The following ABCB5 variants were observed in gnomAD, a reference collection of about 807,000 sequenced individuals.
ABCB5 encodes ATP-binding cassette sub-family B member 5.
In ABCB5, 155 loss-of-function variants were observed where a neutral mutation model predicts 144.2. The ratio of observed to expected loss-of-function variants is 1.08; its 90% confidence interval spans 0.94 to 1.23. The LOEUF (loss-of-function observed/expected upper bound fraction) is 1.23. Among genes scored for constraint, ABCB5 ranks in the 50% most tolerant of loss-of-function variants. The pLI is 0.00. For synonymous variants in ABCB5, 610 were observed against 528.6 expected, an observed-to-expected ratio of 1.15 and a Z score of -2.11; for missense variants, 1,830 against 1,520.8, an observed-to-expected ratio of 1.20 and a Z score of -3.38.
intron 1 of ABCB5, 53 bp from the exon 2 acceptor site, chr7:20,623,212 C>G (rs888101449): frequency 1.8e-5 from 19 of 1,050,184 alleles, no homozygotes; most frequent in Middle Eastern, 5.2e-4. Context: ...TGTATATCAA[C>G]TAAGTGATAA....
At chr7:20,647,761 C>T in intron 10 of ABCB5, 113 bp downstream of exon 10, 3 of 1,460,834 alleles carry the variant, frequency 2.1e-6, no homozygotes, top group Non-Finnish European at 2.7e-6. Context: ...TAATGTTGGC[C>T]AGTTGTTTAT....
At chr7:20,691,049 T>C (rs936165151) in intron 16 of ABCB5, among the ~76,000 whole-genome samples, 1 of 151,868 alleles carries the variant, frequency 6.6e-6, no homozygotes, top group African/African-American at 2.4e-5. Flanking sequence ...CAAAGTAGGA[T>C]AGTGATCTCT....
intron 13 of ABCB5, among the ~76,000 whole-genome samples, chr7:20,654,434 C>T (rs959802484): frequency 6.8e-6 from 1 of 147,576 alleles, no homozygotes; most frequent in African/African-American, 2.6e-5. Context: ...GCCTTCAGTG[C>T]TTGATAGAAC....
At chr7:20,662,921 C>T (rs1333859067) in intron 14 of ABCB5, among the ~76,000 whole-genome samples, 1 of 152,176 alleles carries the variant, frequency 6.6e-6, no homozygotes, top group Non-Finnish European at 1.5e-5. Context: ...ACCCCCGAAG[C>T]CATTTGTGGG....
At chr7:20,718,008 TCTC>T (rs1781740400) in intron 20 of ABCB5, among the ~76,000 whole-genome samples, 1 of 141,988 alleles carries the variant, frequency 7.0e-6, no homozygotes, top group African/African-American at 2.6e-5. Flanking sequence ...TTAACGCCAT[TCTC>T]CTGCCTCAGC....
At chr7:20,746,086 C>G (rs907631728) in intron 26 of ABCB5, among the ~76,000 whole-genome samples, 1 of 151,936 alleles carries the variant, frequency 6.6e-6, no homozygotes, top group East Asian at 1.9e-4. Context: ...TGGCTTTTGG[C>G]ATAGTAGCGC....
chr7:20,717,437 C>CTTTT (rs557306157), intron 20 of ABCB5, among the ~76,000 whole-genome samples: 4 of 133,002 alleles, frequency 3.0e-5, no homozygotes, highest in African/African-American at 8.7e-5. Flanking sequence ...CAGATTTCCT[C>CTTTT]TTTTTTTTTT....
chr7:20,679,354 A>G (rs1343736544), intron 14 of ABCB5, among the ~76,000 whole-genome samples: 1 of 151,602 alleles, frequency 6.6e-6, no homozygotes, highest in African/African-American at 2.4e-5. Context: ...CTGTAATGCC[A>G]GCTACTCTGG....
chr7:20,650,815 T>A (rs924045180), intron 12 of ABCB5, among the ~76,000 whole-genome samples: 20 of 152,200 alleles, frequency 1.3e-4, no homozygotes, highest in African/African-American at 4.6e-4. Context: ...ATGAGTGTTA[T>A]GTGTATAAAA....
At chr7:20,701,911 C>T (rs1037644764) in intron 19 of ABCB5, among the ~76,000 whole-genome samples, 5 of 152,218 alleles carry the variant, frequency 3.3e-5, no homozygotes, top group African/African-American at 9.6e-5. Flanking sequence ...AGCATCTTCA[C>T]AGTTTTGCTT....
At chr7:20,683,512 C>T (rs1027654461) in intron 15 of ABCB5, among the ~76,000 whole-genome samples, 2 of 152,030 alleles carry the variant, frequency 1.3e-5, no homozygotes, top group East Asian at 3.8e-4. Context: ...TGGAGTAGTA[C>T]ATCTTTATTT....
In ABCB5 at chr7:20,660,710, C is replaced by T. The variant is rs534062917; in HGVS notation, c.1707+2034C>T. Reference sequence around the variant, plus strand: ...AGGCCCCAGACTCTGTTATATCATACAGCCTAACCCACACAGTTAACAGTT... The same window carrying T: ...AGGCCCCAGACTCTGTTATATCATATAGCCTAACCCACACAGTTAACAGTT... On this transcript the variant is annotated intron_variant, in intron 14 of 27. Coordinates refer to ENST00000404938, the MANE Select transcript of ABCB5 (RefSeq NM_001163941.2). Among the ~76,000 whole-genome samples the T allele has an allele frequency of 2.6e-5, 4 of 152,288 alleles. No individual in the cohort carries two copies. In the East Asian group the frequency reaches 7.7e-4, roughly 29 times the overall value.
chr7:20,704,721 T>C lies in ABCB5; in HGVS notation c.2338-3T>C, dbSNP rs954380901. On this transcript the variant is annotated splice_polypyrimidine_tract_variant and splice_region_variant and intron_variant, in intron 19 of 27. Coordinates refer to ENST00000404938, the MANE Select transcript of ABCB5 (RefSeq NM_001163941.2). ...ACCATATGTTAATTCTCCTTTTCTC[T>C]AGGATATTGCCTGGTTTGATGAAAA... 1.2e-6 allele frequency: 2 copies of C among 1,612,176 alleles called. No individual in the cohort carries two copies. Among genetic ancestry groups the C allele is most frequent in the Non-Finnish European group, 1.7e-6 (2 of 1,178,872 alleles).
At position 20,645,770 on chromosome 7, in the gene ABCB5, G is replaced by T; in HGVS notation, c.693G>T (p.Leu231Phe). 2 of 1,613,654 alleles carry T rather than the reference G, an allele frequency of 1.2e-6. No homozygotes were observed. Among genetic ancestry groups the T allele is most frequent in the South Asian group, 2.2e-5 (2 of 90,994 alleles). The change falls in exon 8 of 28, where the codon TTG becomes TTT. Residue 231 changes from leucine (L) to phenylalanine (F), a missense_variant. Coordinates refer to ENST00000404938, the MANE Select transcript of ABCB5 (RefSeq NM_001163941.2). ...GTTTATTACAGATGGTCATCTCATT[G>T]ACCAGTAAGGAATTAAGTGCCTATT... ...AAACSRMVISLTSKELSAYSK... is the reference protein window; with the variant it reads ...AAACSRMVISFTSKELSAYSK...
chr7:20,654,794 T>C (rs1352426652), intron 13 of ABCB5, among the ~76,000 whole-genome samples: 1 of 151,978 alleles, frequency 6.6e-6, no homozygotes, highest in Non-Finnish European at 1.5e-5. Context: ...GAAATTGCAA[T>C]GTATTAGTAT....
intron 2 of ABCB5, among the ~76,000 whole-genome samples, 177 bp downstream of exon 2, chr7:20,623,515 T>G (rs568332854): frequency 3.3e-5 from 5 of 152,304 alleles, no homozygotes; most frequent in African/African-American, 1.2e-4. Flanking sequence ...TTTTAGGAAC[T>G]GCAATAGGAT....
intron 20 of ABCB5, among the ~76,000 whole-genome samples, chr7:20,706,597 C>G (rs1786832367): frequency 6.6e-6 from 1 of 152,208 alleles, no homozygotes; most frequent in Non-Finnish European, 1.5e-5. Context: ...AAGTGCTGGT[C>G]TCACAATAAC....
chr7:20,616,541 T>C (rs938044709), intron 1 of ABCB5, among the ~76,000 whole-genome samples: 3 of 152,194 alleles, frequency 2.0e-5, no homozygotes, highest in Admixed American at 6.5e-5. Flanking sequence ...ATAAATAAAA[T>C]ATTCTGTCTA....
At chr7:20,653,159 C>T (rs901563975) in intron 13 of ABCB5, among the ~76,000 whole-genome samples, 10 of 152,276 alleles carry the variant, frequency 6.6e-5, no homozygotes, top group African/African-American at 2.4e-4. Context: ...CTTTCTGATG[C>T]CTCTTAAATC....
Sources: allele counts gnomAD v4.1 joint callset (sites outside exome capture counted in the v4.1 genomes callset), GRCh38; gene constraint gnomAD v4.1.1; transcripts MANE v1.5; gene names NCBI Gene and HGNC (gene_info 2026-07-23, HGNC 2026-07-21).